CAGE1: variants seen among roughly 807,000 people sequenced by gnomAD.
CAGE1 encodes the protein cancer antigen 1, also known as cancer-associated gene 1 protein.
A neutral mutation model predicts 94.9 loss-of-function variants in CAGE1; 66 were observed. The observed-to-expected ratio is 0.70, with a 90% confidence interval of 0.57 to 0.85. CAGE1 has a LOEUF of 0.85. Among genes scored for constraint, CAGE1 ranks in the 40% least tolerant of loss-of-function variants. The probability of loss-of-function intolerance (pLI) is 0.00; values close to 1 mark genes in which losing one functional copy is unlikely to be tolerated. For missense variants in CAGE1, 865 were observed against 950.4 expected (o/e 0.91, Z 1.18); for synonymous variants, 319 against 321.0 (o/e 0.99, Z 0.07).
Position 7,338,351 on chromosome 6 carries a change from C to T in CAGE1, c.2370-4261G>A, listed in dbSNP as rs140524764. On this transcript the variant is annotated intron_variant, in intron 11 of 13. Coordinates refer to ENST00000502583, the MANE Select transcript of CAGE1 (RefSeq NM_001170692.2). ...GATGATGAGAAAGCATTTAGTCTAT[C>T]ATCATTAAGTATAATGTTAGTAGGC... is the stretch of plus-strand genomic sequence containing the variant. Among the ~76,000 whole-genome samples the T allele has an allele frequency of 1.4e-3, 207 of 152,302 alleles. 1 individual carries two copies. The highest frequency in any genetic ancestry group is 4.5e-3 in the African/African-American group (189 of 41,566).
intron 1 of CAGE1, among the ~76,000 whole-genome samples, chr6:7,388,311 G>C (rs1190908761): frequency 1.3e-5 from 2 of 152,136 alleles, no homozygotes; most frequent in African/African-American, 2.4e-5. Context: ...TTAAGCTTCA[G>C]TCATCTGCCC....
intron 7 of CAGE1, among the ~76,000 whole-genome samples, 198 bp from the exon 8 acceptor site, chr6:7,366,082 C>T (rs1760321731): frequency 1.3e-5 from 2 of 151,916 alleles, no homozygotes; most frequent in Admixed American, 1.3e-4. Context: ...CCTGTCTCTC[C>T]TAAAAATACC....
rs113629080 is a variant in CAGE1, at chr6:7,345,787, T to A, written c.2369+9254A>T. On this transcript the variant is annotated intron_variant, in intron 11 of 13. Transcript: ENST00000502583. ...AAATACAAAAAAAATTAGCTGGGCG[T>A]CGTGGCAGGCCCCCATAGTCCCAGC... Among the ~76,000 whole-genome samples, 767 of 152,086 alleles carry A rather than the reference T, an allele frequency of 5.0e-3. 8 individuals are homozygous for A. Among genetic ancestry groups the A allele is most frequent in the Non-Finnish European group, 7.0e-3 (478 of 67,980 alleles).
chr6:7,335,697 C>G (rs1229005103), intron 11 of CAGE1, among the ~76,000 whole-genome samples: 1 of 152,220 alleles, frequency 6.6e-6, no homozygotes, highest in Non-Finnish European at 1.5e-5. Flanking sequence ...CTCTCAGCCT[C>G]CTGAGTAGCT....
chr6:7,374,216 A>G (rs772309040), intron 4 of CAGE1, 85 bp from the exon 5 acceptor site: 1 of 1,071,522 alleles, frequency 9.3e-7, no homozygotes, highest in Non-Finnish European at 1.4e-6. Flanking sequence ...CTTGAATTCT[A>G]TTAGTAGATC....
chr6:7,387,086 T>C lies in CAGE1; in HGVS notation c.88A>G (p.Met30Val), dbSNP rs1761147384. ...ACATTCATGGTATCCGATTCTGACATGCTTTCTACTTTTTCATGAGAAGTA... is the reference window on the plus strand; with the variant it reads ...ACATTCATGGTATCCGATTCTGACACGCTTTCTACTTTTTCATGAGAAGTA... ...VDTSHEKVES[M>V]SESDTMNVSN... Residue 30 changes from methionine (M) to valine (V), a missense_variant, in exon 2 of 14, where the codon ATG becomes GTG. Met to Val is a conservative substitution (Grantham distance 21). Transcript: ENST00000502583. 1 of 1,551,606 alleles carries C rather than the reference T, an allele frequency of 6.4e-7. No individual in the cohort carries two copies. The highest frequency in any genetic ancestry group is 8.7e-7 in the Non-Finnish European group (1 of 1,146,800).
Position 7,385,836 on chromosome 6 carries a change from CAT to C in CAGE1, c.230_231del (p.Tyr77Ter). 1 of 1,542,500 alleles carries C rather than the reference CAT, an allele frequency of 6.5e-7. No individual in the cohort carries two copies. Among genetic ancestry groups the C allele is most frequent in the Non-Finnish European group, 8.7e-7 (1 of 1,143,644 alleles). ...TAAGCATCTTCACAAAGTGTGGATT[CAT>C]ACTCATTTTCCCTTTCAAAATTCTT... ...EIKNFERENE[Y>X]ESTLCEDAYG... is the part of the protein sequence containing the mutation. On this transcript the variant is annotated frameshift_variant, in exon 3 of 14. Transcript: ENST00000502583. LOFTEE classifies it high-confidence loss of function.
At position 7,331,487 on chromosome 6, in the gene CAGE1, G is replaced by A. The variant is rs147558212; in HGVS notation, c.2439-1599C>T. On this transcript the variant is annotated intron_variant, in intron 12 of 13. Transcript: ENST00000502583. ...CTCCTAATGTTGCAGTGCCTGCACC[G>A]TTACATTTCACACCAGTCTCAATGT... is the stretch of plus-strand genomic sequence containing the variant. 131 of 435,020 alleles carry A rather than the reference G, an allele frequency of 3.0e-4. 1 individual carries two copies. The East Asian group carries it at 6.4e-3, about 21-fold the overall frequency. 26.9% of individuals were successfully genotyped at this position (435,020 alleles called of 1,614,324 possible).
Position 7,368,140 on chromosome 6 carries a change from C to T in CAGE1, c.2004+548G>A, listed in dbSNP as rs181888303. ...TGGCAGCACACGCCTGTAATCCCAG[C>T]TACTTGGGAGGCTGAGGCAGAAGAA... On this transcript the variant is annotated intron_variant, in intron 7 of 13. Transcript: ENST00000502583. Among the ~76,000 whole-genome samples, 68 of 151,186 alleles carry T rather than the reference C, an allele frequency of 4.5e-4. 1 individual carries two copies. The East Asian group carries it at 0.011, about 25-fold the overall frequency.
rs769137665 is a variant in CAGE1, at chr6:7,339,548, C to T, written c.2370-5458G>A. On this transcript the variant is annotated intron_variant, in intron 11 of 13. Coordinates refer to ENST00000502583, the MANE Select transcript of CAGE1 (RefSeq NM_001170692.2). The surrounding 1 kb of genome is among the most constrained non-coding windows in gnomAD (Gnocchi z 4.7). ...TGCCATCAGTGACAAACTTCCTCTT[C>T]TTGGAAATTTGTAAGGCGATCTTGC... 4.1e-5 allele frequency: 32 copies of T among 782,162 alleles called. No individual in the cohort carries two copies. The highest frequency in any genetic ancestry group is 7.1e-5 in the Non-Finnish European group (30 of 422,944). The allele number at this position is 782,162 out of a possible 1,614,324, so 48.5% of individuals were successfully genotyped here.
intron 11 of CAGE1, among the ~76,000 whole-genome samples, chr6:7,345,002 G>A (rs764176894): frequency 6.6e-6 from 1 of 152,196 alleles, no homozygotes; most frequent in Non-Finnish European, 1.5e-5. Flanking sequence ...CAGGATGTGG[G>A]TGGGGCCAGA....
At position 7,365,900 on chromosome 6, in the gene CAGE1, C is replaced by T. The variant is rs1760314387; in HGVS notation, c.2005-16G>A. 1 of 1,375,350 alleles carries T rather than the reference C, an allele frequency of 7.3e-7. No homozygotes were observed. Among genetic ancestry groups the T allele is most frequent in the Non-Finnish European group, 9.9e-7 (1 of 1,005,314 alleles). The allele number at this position is 1,375,350 out of a possible 1,614,324, so 85.2% of individuals were successfully genotyped here. ...GTTTCAGTAGCTAAGAAAAGGAAAA[C>T]ATTCTGTATTTTAGAGAGAAAATAC... is the stretch of plus-strand genomic sequence containing the variant. On this transcript the variant is annotated splice_polypyrimidine_tract_variant and intron_variant, in intron 7 of 13. Coordinates refer to ENST00000502583, the MANE Select transcript of CAGE1 (RefSeq NM_001170692.2).
intron 3 of CAGE1, among the ~76,000 whole-genome samples, chr6:7,384,147 G>T (rs1467456915): frequency 6.6e-6 from 1 of 151,892 alleles, no homozygotes; most frequent in African/African-American, 2.4e-5. Flanking sequence ...GCACCATCTC[G>T]GCTCACTGCA....
At chr6:7,363,418 T>C (rs1760223704) in intron 9 of CAGE1, among the ~76,000 whole-genome samples, 1 of 152,242 alleles carries the variant, frequency 6.6e-6, no homozygotes, top group Non-Finnish European at 1.5e-5. Flanking sequence ...CAAATGTCTT[T>C]TTATAGTGGT....
intron 11 of CAGE1, chr6:7,341,623 G>A: frequency 1.3e-6 from 1 of 782,994 alleles, no homozygotes; most frequent in Non-Finnish European, 2.3e-6. Context: ...GAACAGATGG[G>A]TGTTTGCAAC....
In CAGE1 at chr6:7,370,075, C is replaced by T. The variant is rs375608838; in HGVS notation, c.1747-10G>A. On this transcript the variant is annotated splice_polypyrimidine_tract_variant and intron_variant, in intron 5 of 13. Transcript: ENST00000502583. Reference sequence around the variant, plus strand: ...GTGTCGTTTTTGTATCCTACATGCACGTAATTCAGATTTGTCAAAATAATG... The same window carrying T: ...GTGTCGTTTTTGTATCCTACATGCATGTAATTCAGATTTGTCAAAATAATG... 9.9e-5 allele frequency: 155 copies of T among 1,573,104 alleles called. No homozygotes were observed. The highest frequency in any genetic ancestry group is 5.9e-5 in the South Asian group (5 of 84,542).
chr6:7,345,169 C>T (rs1439236385), intron 11 of CAGE1, among the ~76,000 whole-genome samples: 3 of 138,578 alleles, frequency 2.2e-5, no homozygotes. Flanking sequence ...CTTTTAGGAG[C>T]TATGACACTC....
intron 3 of CAGE1, among the ~76,000 whole-genome samples, chr6:7,382,029 G>C (rs533215551): frequency 6.6e-6 from 1 of 151,246 alleles, no homozygotes; most frequent in African/African-American, 2.4e-5. Flanking sequence ...TGGTAGAGAC[G>C]GGGTTTCACC....
intron 11 of CAGE1, among the ~76,000 whole-genome samples, chr6:7,346,231 T>C (rs1430807135): frequency 6.6e-6 from 1 of 152,184 alleles, no homozygotes; most frequent in Non-Finnish European, 1.5e-5. Flanking sequence ...CTGTTCTTCA[T>C]GGATATAACA....
Sources: gnomAD v4.1 joint callset for allele counts (sites outside exome capture counted in the v4.1 genomes callset) on GRCh38, gnomAD v4.1.1 for gene constraint, Gnocchi (gnomAD v3.1) non-coding constraint, MANE v1.5 for transcripts, NCBI Gene and HGNC (gene_info 2026-07-23, HGNC 2026-07-21) for gene names.